The following VSTM4 variants were observed in gnomAD, a reference collection of about 807,000 sequenced individuals.
VSTM4 encodes the protein V-set and transmembrane domain-containing protein 4.
Under a neutral mutation model 36.4 loss-of-function variants are expected in VSTM4, and 20 were observed. The observed-to-expected ratio is 0.55, with a 90% CI of 0.39 to 0.80. The LOEUF is 0.80. Ranked by LOEUF, VSTM4 falls within the 30% of genes least tolerant of loss-of-function variation. VSTM4 has a pLI of 0.00. For synonymous variants in VSTM4, 182 were observed against 173.9 expected, an observed-to-expected ratio of 1.05 and a Z score of -0.37; for missense variants, 392 against 404.5, an observed-to-expected ratio of 0.97 and a Z score of 0.26.
chr10:49,082,173 C>T (rs562246724), intron 3 of VSTM4, among the ~76,000 whole-genome samples: 59 of 152,300 alleles, frequency 3.9e-4, no homozygotes, highest in African/African-American at 1.3e-3. Context: ...CTGGAATGCC[C>T]GCCCAGTGGT....
chr10:49,056,985 C>T (rs4453139), intron 5 of VSTM4, among the ~76,000 whole-genome samples: 26,416 of 151,672 alleles, frequency 0.17, 2,648 homozygotes, highest in Non-Finnish European at 0.23. Flanking sequence ...AGGAGGGGCC[C>T]GCATATCATC....
chr10:49,040,324 C>G (rs1312319354), intron 7 of VSTM4, among the ~76,000 whole-genome samples: 3 of 152,196 alleles, frequency 2.0e-5, no homozygotes, highest in Non-Finnish European at 4.4e-5. Context: ...ACTCTGTCAC[C>G]TAGGCTGTAG....
rs565580324 is a variant in VSTM4, at chr10:49,107,874, G to T, written c.177C>A (p.Ala59=). ...AGGAGTGTGCAAAGAACCAGCGCAC[G>T]GCCAGCAAGCTGTCCTTCCGCCTTT... is the stretch of plus-strand genomic sequence containing the variant. ...SQKRRKDSLL[A]VRWFFAHSFD... Residue 59 remains alanine (A), a synonymous_variant, in exon 2 of 8, where the codon GCC becomes GCA. Coordinates refer to ENST00000332853, the MANE Select transcript of VSTM4 (RefSeq NM_001031746.5). 6.2e-7 allele frequency: 1 copy of T among 1,614,188 alleles called. No homozygotes were observed. The highest frequency in any genetic ancestry group is 1.1e-5 in the South Asian group (1 of 91,078).
At chr10:49,071,572 G>A (rs1412973977) in intron 4 of VSTM4, among the ~76,000 whole-genome samples, 1 of 152,234 alleles carries the variant, frequency 6.6e-6, no homozygotes, top group Admixed American at 6.5e-5. Flanking sequence ...GCCAGGCTTG[G>A]GGTGAGGGCA....
At chr10:49,111,382 G>A (rs1314214036) in intron 1 of VSTM4, among the ~76,000 whole-genome samples, 1 of 152,202 alleles carries the variant, frequency 6.6e-6, no homozygotes, top group Non-Finnish European at 1.5e-5. Context: ...GCAGGAGACA[G>A]TGTACAGGGC....
At position 49,047,013 on chromosome 10, in the gene VSTM4, C is replaced by T. The variant is rs1843620771; in HGVS notation, c.807G>A (p.Lys269=). The change falls in exon 7 of 8, where the codon AAG becomes AAA. Residue 269 remains lysine (K), a synonymous_variant. Transcript: ENST00000332853. The part of the protein sequence containing the change: ...APIAPTFHKP[K]LLKPQRKVTL... ...TGACTTTTCTCTGTGGTTTCAGCAG[C>T]TTCGGTTTATGGAACGTGGGGGCTA... is the stretch of plus-strand genomic sequence containing the variant. 2.5e-6 allele frequency: 4 copies of T among 1,614,136 alleles called. No individual in the cohort carries two copies. The highest frequency in any genetic ancestry group is 2.2e-5 in the East Asian group (1 of 44,878).
At chr10:49,044,239 A>G (rs1266286397) in intron 7 of VSTM4, among the ~76,000 whole-genome samples, 1 of 152,110 alleles carries the variant, frequency 6.6e-6, no homozygotes, top group East Asian at 1.9e-4. Context: ...GAGGCACAAG[A>G]ATAACTTGAA....
intron 2 of VSTM4, among the ~76,000 whole-genome samples, chr10:49,092,518 C>G (rs183191511): frequency 3.7e-4 from 57 of 152,278 alleles, no homozygotes; most frequent in African/African-American, 1.3e-3. Flanking sequence ...GATCCTGCCA[C>G]AGAAGTGTTA....
chr10:49,031,844 G>A (rs1333124499), intron 7 of VSTM4, among the ~76,000 whole-genome samples: 1 of 152,080 alleles, frequency 6.6e-6, no homozygotes, highest in African/African-American at 2.4e-5. Context: ...TTGCTGACCA[G>A]GGCTCCAGCC....
intron 1 of VSTM4, among the ~76,000 whole-genome samples, chr10:49,109,088 C>T (rs578198546): frequency 3.3e-4 from 50 of 152,284 alleles, no homozygotes; most frequent in African/African-American, 1.0e-3. Context: ...CACCCCTGTA[C>T]TGCCCCATGT....
chr10:49,103,009 A>G (rs1422649154), intron 2 of VSTM4: 1 of 152,744 alleles, frequency 6.5e-6, no homozygotes, highest in Non-Finnish European at 1.5e-5. Context: ...GGGAAAAGGC[A>G]TTTTCAATGC....
intron 7 of VSTM4, among the ~76,000 whole-genome samples, chr10:49,041,308 T>A (rs1048074407): frequency 6.6e-6 from 1 of 152,256 alleles, no homozygotes; most frequent in South Asian, 2.1e-4. Context: ...TTGACCTTGC[T>A]TCTGGAAAAT....
intron 3 of VSTM4, among the ~76,000 whole-genome samples, chr10:49,082,231 T>C (rs1400885956): frequency 9.2e-5 from 14 of 152,242 alleles, no homozygotes; most frequent in Non-Finnish European, 2.1e-4. Context: ...AAAATCTCTC[T>C]ATAAAATGTT....
intron 4 of VSTM4, among the ~76,000 whole-genome samples, chr10:49,068,394 G>A (rs536894235): frequency 1.4e-4 from 22 of 152,258 alleles, no homozygotes; most frequent in African/African-American, 4.6e-4. Flanking sequence ...AGGGTTCCCC[G>A]GAGGCAGGGA....
At chr10:49,061,397 A>C (rs1443239064) in intron 5 of VSTM4, among the ~76,000 whole-genome samples, 2 of 152,134 alleles carry the variant, frequency 1.3e-5, no homozygotes, top group Non-Finnish European at 2.9e-5. Context: ...ATTGGGCACC[A>C]TTGGTTGATT....
chr10:49,080,066 T>C (rs1231173859), intron 3 of VSTM4, among the ~76,000 whole-genome samples: 2 of 152,238 alleles, frequency 1.3e-5, no homozygotes, highest in Non-Finnish European at 2.9e-5. Flanking sequence ...TCAAAGTGTT[T>C]CTACCTGTTC....
At chr10:49,087,361 T>A (rs1396049049) in intron 2 of VSTM4, among the ~76,000 whole-genome samples, 4 of 152,200 alleles carry the variant, frequency 2.6e-5, no homozygotes. Flanking sequence ...TCCCATAGAC[T>A]CCTTTCTGTT....
In VSTM4 at chr10:49,015,401, G is replaced by T. The variant is rs1055070452; in HGVS notation, c.*4249C>A. 3 of 151,856 alleles carry T rather than the reference G, an allele frequency of 2.0e-5. No homozygotes were observed. The highest frequency in any genetic ancestry group is 4.4e-5 in the Non-Finnish European group (3 of 68,042). The allele number at this position is 151,856 out of a possible 1,614,324, so 9.4% of individuals were successfully genotyped here. ...CTCCCAAAGTGCTGGGATTACAGGCGTGAGCCACCGTGCCCACCCAGGATC... is the reference window on the plus strand; with the variant it reads ...CTCCCAAAGTGCTGGGATTACAGGCTTGAGCCACCGTGCCCACCCAGGATC... On this transcript the variant is annotated 3_prime_UTR_variant, in exon 8 of 8. Coordinates refer to ENST00000332853, the MANE Select transcript of VSTM4 (RefSeq NM_001031746.5).
At chr10:49,114,868 G>A (rs1431626127) in intron 1 of VSTM4, among the ~76,000 whole-genome samples, 2 of 152,154 alleles carry the variant, frequency 1.3e-5, no homozygotes, top group Admixed American at 1.3e-4. Flanking sequence ...TCAAAGCAGG[G>A]TGCTGGTGGA....
Sources: allele counts gnomAD v4.1 joint callset (sites outside exome capture counted in the v4.1 genomes callset), GRCh38; gene constraint gnomAD v4.1.1; transcripts MANE v1.5; gene names NCBI Gene and HGNC (gene_info 2026-07-23, HGNC 2026-07-21).